GPRC5C: variants seen among roughly 807,000 people sequenced by gnomAD.
GPRC5C encodes G protein-coupled receptor family C group 5 member C.
In GPRC5C, 22 loss-of-function variants were observed where a neutral mutation model predicts 31.4. The ratio of observed to expected loss-of-function variants is 0.70; its 90% CI spans 0.50 to 1.00. The LOEUF is 1.00. GPRC5C is among the 50% of genes least tolerant of loss of function. The probability of loss-of-function intolerance (pLI) is 0.00; values close to 1 mark genes in which losing one functional copy is unlikely to be tolerated. For synonymous variants in GPRC5C, 249 were observed against 257.5 expected (o/e 0.97, Z 0.32); for missense variants, 557 against 597.2 (o/e 0.93, Z 0.70).
At chr17:74,437,509 G>C (rs1427169499) in intron 1 of GPRC5C, among the ~76,000 whole-genome samples, 2 of 152,168 alleles carry the variant, frequency 1.3e-5, no homozygotes, top group South Asian at 4.1e-4. Flanking sequence ...AAGTGGCATG[G>C]AGACTATTTG....
rs1242657915 is a variant in GPRC5C, at chr17:74,440,281, A to C, written c.505A>C (p.Ile169Leu). The C allele has an allele frequency of 1.9e-6, 3 of 1,614,198 alleles. No individual in the cohort carries two copies. The highest frequency in any genetic ancestry group is 2.5e-6 in the Non-Finnish European group (3 of 1,180,018). The change falls in exon 2 of 4, where the codon ATC becomes CTC. Residue 169 changes from isoleucine to leucine, a missense_variant. Transcript: ENST00000392627. This position sits in a 1 kb window ranked among gnomAD's most constrained non-coding sequence, Gnocchi z 4.4. Reference sequence around the variant, plus strand: ...TCTGCTGCTGACCCTGGTAGAGGTCATCATCAATACAGAGTGGCTGATCAT... The same window carrying C: ...TCTGCTGCTGACCCTGGTAGAGGTCCTCATCAATACAGAGTGGCTGATCAT... Reference protein sequence around the residue: ...VALLLTLVEVIINTEWLIITL... With the variant: ...VALLLTLVEVLINTEWLIITL...
intron 1 of GPRC5C, among the ~76,000 whole-genome samples, chr17:74,438,317 G>C (rs187067707): frequency 1.3e-5 from 2 of 148,454 alleles, no homozygotes; most frequent in Admixed American, 6.8e-5. Context: ...TTGGAGTGCA[G>C]TGGCGCAGTC....
chr17:74,439,842 G>T lies in GPRC5C; in HGVS notation c.66G>T (p.Trp22Cys). Residue 22 changes from tryptophan (W) to cysteine (C), a missense_variant, in exon 2 of 4, where the codon TGG (tryptophan) becomes TGT (cysteine). Transcript: ENST00000392627. Reference sequence around the variant, plus strand: ...CTCTCTTCCTGTTCCCAGGGGCCTGGGCCCAGGGCCATGTCCCACCCGGCT... The same window carrying T: ...CTCTCTTCCTGTTCCCAGGGGCCTGTGCCCAGGGCCATGTCCCACCCGGCT... ...GLPLFLFPGA[W>C]AQGHVPPGCS... 2 of 1,613,548 alleles carry T rather than the reference G, an allele frequency of 1.2e-6. No individual in the cohort carries two copies. Among genetic ancestry groups the T allele is most frequent in the Non-Finnish European group, 1.7e-6 (2 of 1,180,002 alleles).
At chr17:74,437,753 A>C (rs144297587) in intron 1 of GPRC5C, among the ~76,000 whole-genome samples, 12 of 152,024 alleles carry the variant, frequency 7.9e-5, no homozygotes, top group African/African-American at 2.9e-4. Flanking sequence ...GTAAGGAGGT[A>C]AACCATGTAT....
At chr17:74,447,475 G>C (rs1331853503), downstream of GPRC5C, 1 of 441,736 alleles carries the variant, frequency 2.3e-6, no homozygotes, top group Admixed American at 6.4e-5. Context: ...CCTGGTTTCT[G>C]ATGAACGTCT....
At chr17:74,441,816 A>C (rs972342590) in intron 2 of GPRC5C, among the ~76,000 whole-genome samples, 7 of 152,134 alleles carry the variant, frequency 4.6e-5, no homozygotes, top group African/African-American at 1.7e-4. Context: ...CTCAAAAAAA[A>C]AAAAAATTAC....
chr17:74,451,328 G>A (rs536631603), downstream of GPRC5C: 77 of 152,374 alleles, frequency 5.1e-4, no homozygotes, highest in African/African-American at 1.8e-3. Context: ...TGAGGCTCAG[G>A]GAGGGATGGG....
chr17:74,448,700 A>G (rs902568041), downstream of GPRC5C: 1 of 440,856 alleles, frequency 2.3e-6, no homozygotes. Context: ...TTTAATCCCC[A>G]AGGCTGCCCT....
chr17:74,434,780 G>T (rs948053135), intron 1 of GPRC5C, among the ~76,000 whole-genome samples: 1 of 152,108 alleles, frequency 6.6e-6, no homozygotes. Flanking sequence ...AAAATTAGTT[G>T]GGCATGGTGG....
chr17:74,437,552 G>A (rs925563133), intron 1 of GPRC5C, among the ~76,000 whole-genome samples: 1 of 150,850 alleles, frequency 6.6e-6, no homozygotes, highest in Non-Finnish European at 1.5e-5. Context: ...TCTTTATTGT[G>A]TCCATTTCAC....
At position 74,446,749 on chromosome 17, in the gene GPRC5C, G is replaced by C. The variant is rs76554523; in HGVS notation, c.1147-100G>C. On this transcript the variant is annotated intron_variant, in intron 3 of 3. Coordinates refer to ENST00000392627, the MANE Select transcript of GPRC5C (RefSeq NM_022036.4). ...AGGAGCCGAGGGGGGAGTTGGGGGG[G>C]ATCTGGCAGTCCCAGCCCTGCAGGA... 1.8e-5 allele frequency: 17 copies of C among 919,068 alleles called. No individual in the cohort carries two copies. The East Asian group carries it at 3.4e-4, about 18-fold the overall frequency. 56.9% of individuals were successfully genotyped at this position (919,068 alleles called of 1,614,324 possible).
downstream of GPRC5C, chr17:74,450,226 A>C (rs1179734488): frequency 6.6e-6 from 1 of 152,300 alleles, no homozygotes; most frequent in African/African-American, 2.4e-5. Flanking sequence ...CTGGGGTTCA[A>C]GGTGGCTCCT....
rs963895623 is a variant in GPRC5C, at chr17:74,433,622, T to A, written c.-33+1481T>A. 7.2e-6 allele frequency: 8 copies of A among 1,112,490 alleles called. No homozygotes were observed. The African/African-American group carries it at 9.2e-5, about 13-fold the overall frequency. The allele number at this position is 1,112,490 out of a possible 1,614,324, so 68.9% of individuals were successfully genotyped here. ...GGAGTGGAGGCAGGAAGGCTGTCAG[T>A]CGGGCCATCGTCTTTCCCTATAGGC... On this transcript the variant is annotated intron_variant, in intron 1 of 3. Transcript: ENST00000392627.
At chr17:74,432,896 A>T (rs997949090) in intron 1 of GPRC5C, among the ~76,000 whole-genome samples, 1 of 151,464 alleles carries the variant, frequency 6.6e-6, no homozygotes, top group Non-Finnish European at 1.5e-5. Flanking sequence ...GGAGAGAGTG[A>T]CTGGTTCCCT....
intron 2 of GPRC5C, 179 bp from the exon 3 acceptor site, chr17:74,443,639 G>A: frequency 1.4e-6 from 1 of 698,592 alleles, no homozygotes; most frequent in Non-Finnish European, 2.6e-6. Flanking sequence ...TTGGGAGGGG[G>A]CCCCCGTGTT....
intron 1 of GPRC5C, chr17:74,433,767 G>T: frequency 6.2e-7 from 1 of 1,607,954 alleles, no homozygotes; most frequent in Non-Finnish European, 8.5e-7. Context: ...GGTCAGTGTT[G>T]AGTTTGGTTG....
chr17:74,441,894 T>G (rs1256971714), intron 2 of GPRC5C, among the ~76,000 whole-genome samples: 1 of 152,244 alleles, frequency 6.6e-6, no homozygotes, highest in East Asian at 1.9e-4. Flanking sequence ...TGTCTATTAT[T>G]TTACATATTT....
At chr17:74,447,637 G>T (rs904077287), downstream of GPRC5C, among the ~76,000 whole-genome samples, 2 of 152,196 alleles carry the variant, frequency 1.3e-5, no homozygotes, top group African/African-American at 4.8e-5. Flanking sequence ...TATTGTGTGC[G>T]ATCAGAATGA....
At chr17:74,443,490 C>G in intron 2 of GPRC5C, 1 of 474,956 alleles carries the variant, frequency 2.1e-6, no homozygotes, top group Non-Finnish European at 4.1e-6. Context: ...GGCCTCTGGC[C>G]CCGGAGGGCG....
Sources: gnomAD v4.1 joint callset for allele counts (sites outside exome capture counted in the v4.1 genomes callset) on GRCh38, gnomAD v4.1.1 for gene constraint, Gnocchi (gnomAD v3.1) non-coding constraint, MANE v1.5 for transcripts, NCBI Gene and HGNC (gene_info 2026-07-23, HGNC 2026-07-21) for gene names.